WDR75: variants seen among roughly 807,000 people sequenced by gnomAD.
WDR75 encodes WD repeat domain 75.
WDR75 carries 52 observed loss-of-function variants against 106.1 expected under a neutral mutation model. The ratio of observed to expected loss-of-function variants is 0.49; its 90% confidence interval spans 0.39 to 0.62. WDR75 has a LOEUF of 0.62. WDR75 is among the 20% of genes least tolerant of loss of function. The pLI is 0.00. For missense variants in WDR75, 905 were observed against 970.3 expected (o/e 0.93, Z 0.89); for synonymous variants, 333 against 335.5 (o/e 0.99, Z 0.08).
chr2:189,469,317 G>T, intron 15 of WDR75, 27 bp from the exon 16 acceptor site: 1 of 1,562,146 alleles, frequency 6.4e-7, no homozygotes. Context: ...TTCCTTAGAA[G>T]TGAATCACCT....
At chr2:189,467,679 T>G (rs771705930) in intron 14 of WDR75, 31 bp downstream of exon 14, 94 of 1,524,502 alleles carry the variant, frequency 6.2e-5, no homozygotes, top group Non-Finnish European at 7.8e-5. Context: ...TATGTAGTAC[T>G]ATTTTTTAAC....
At chr2:189,456,335 A>C (rs1052985375) in intron 5 of WDR75, among the ~76,000 whole-genome samples, 2 of 152,164 alleles carry the variant, frequency 1.3e-5, no homozygotes, top group African/African-American at 4.8e-5. Flanking sequence ...TGATGTGTAC[A>C]AGAGTGATTA....
intron 1 of WDR75, among the ~76,000 whole-genome samples, chr2:189,441,987 G>A (rs996038360): frequency 6.6e-6 from 1 of 152,116 alleles, no homozygotes; most frequent in Non-Finnish European, 1.5e-5. Flanking sequence ...CACTCCTGAA[G>A]CATAGTGCAT....
intron 4 of WDR75, among the ~76,000 whole-genome samples, chr2:189,453,250 G>A (rs775762195): frequency 4.6e-5 from 7 of 152,270 alleles, no homozygotes; most frequent in Non-Finnish European, 1.0e-4. Flanking sequence ...ACATGTTTAC[G>A]AAAAATTCAG....
At chr2:189,445,378 G>T (rs1434838089) in intron 1 of WDR75, among the ~76,000 whole-genome samples, 1 of 152,180 alleles carries the variant, frequency 6.6e-6, no homozygotes, top group Non-Finnish European at 1.5e-5. Context: ...AATGCCTTGT[G>T]GTAAGTTCTG....
At chr2:189,456,868 A>G (rs1030495091) in intron 5 of WDR75, among the ~76,000 whole-genome samples, 2 of 152,176 alleles carry the variant, frequency 1.3e-5, no homozygotes, top group African/African-American at 4.8e-5. Context: ...TTCTATAGCC[A>G]AAGTGGAATA....
chr2:189,455,221 A>G, intron 4 of WDR75, 99 bp from the exon 5 acceptor site: 1 of 1,386,762 alleles, frequency 7.2e-7, no homozygotes, highest in Admixed American at 2.6e-5. Context: ...AGCCTGGGCG[A>G]CAGAGCAAGA....
intron 1 of WDR75, among the ~76,000 whole-genome samples, chr2:189,444,887 A>C (rs539625592): frequency 6.6e-6 from 1 of 152,142 alleles, no homozygotes; most frequent in South Asian, 2.1e-4. Context: ...GCTCTTGCTT[A>C]TGTTGCTATT....
At chr2:189,451,955 C>A in intron 4 of WDR75, 60 bp downstream of exon 4, 1 of 1,378,534 alleles carries the variant, frequency 7.3e-7, no homozygotes, top group Non-Finnish European at 1.0e-6. Flanking sequence ...TTTACAGTTC[C>A]TCAAAATTTA....
At chr2:189,458,673 G>T in intron 6 of WDR75, 80 bp from the exon 7 acceptor site, 1 of 1,254,114 alleles carries the variant, frequency 8.0e-7, no homozygotes, top group Non-Finnish European at 1.0e-6. Context: ...CTATTGCTGG[G>T]AACTCTCTTT....
chr2:189,456,702 A>G (rs7597614), intron 5 of WDR75, among the ~76,000 whole-genome samples: 9,857 of 152,202 alleles, frequency 0.065, 497 homozygotes, highest in African/African-American at 0.14. Flanking sequence ...CAGTGGTTAT[A>G]TAGATGTACA....
rs115932819 is a variant in WDR75 at position 189,458,813 on chromosome 2, A to G, written c.630A>G (p.Ala210=). 1.3e-5 allele frequency: 21 copies of G among 1,609,942 alleles called. No individual in the cohort carries two copies. Among genetic ancestry groups the G allele is most frequent in the East Asian group, 6.7e-5 (3 of 44,678 alleles). Residue 210 remains alanine (A), a synonymous_variant, in exon 7 of 21, where the codon GCA becomes GCG. Coordinates refer to ENST00000314761, the MANE Select transcript of WDR75 (RefSeq NM_032168.3). ...KHAKNNFTCV[A]CHPTEDCIAS... is the part of the protein sequence containing the mutation. ...CTAAAAACAATTTTACATGTGTAGCATGTCACCCAACGGAAGACTGCATCG... is the reference window on the plus strand; with the variant it reads ...CTAAAAACAATTTTACATGTGTAGCGTGTCACCCAACGGAAGACTGCATCG...
At position 189,463,686 on chromosome 2, in the gene WDR75, A is replaced by T; in HGVS notation, c.938-8A>T. The T allele has an allele frequency of 6.2e-7, 1 of 1,613,148 alleles. No homozygotes were observed. The highest frequency in any genetic ancestry group is 8.5e-7 in the Non-Finnish European group (1 of 1,179,520). ...GATATTTAAATACCTATTTTTTTCT[A>T]CCCACAGAGATAATAATTATTCACC... On this transcript the variant is annotated splice_polypyrimidine_tract_variant and splice_region_variant and intron_variant, in intron 9 of 20. Transcript: ENST00000314761.
intron 20 of WDR75, 40 bp from the exon 21 acceptor site, chr2:189,475,173 C>T: frequency 6.9e-7 from 1 of 1,452,334 alleles, no homozygotes; most frequent in Non-Finnish European, 9.4e-7. Context: ...TGTTTAGAAA[C>T]ATTTAATAGT....
chr2:189,471,296 G>C (rs1236968225), intron 18 of WDR75, among the ~76,000 whole-genome samples: 3 of 152,252 alleles, frequency 2.0e-5, no homozygotes, highest in Middle Eastern at 3.4e-3. Context: ...TATTGACGCT[G>C]AATTTTTAGC....
At position 189,474,280 on chromosome 2, in the gene WDR75, A is replaced by G. The variant is rs1191738790; in HGVS notation, c.2144A>G (p.Glu715Gly). 1 of 1,613,890 alleles carries G rather than the reference A, an allele frequency of 6.2e-7. No individual in the cohort carries two copies. The highest frequency in any genetic ancestry group is 1.7e-5 in the Admixed American group (1 of 60,006). ...GATGAAAAACTAAACGAAACTTTAGAGAATGAGCTGGTACAACTACCCTTA... is the reference window on the plus strand; with the variant it reads ...GATGAAAAACTAAACGAAACTTTAGGGAATGAGCTGGTACAACTACCCTTA... ...QQDEKLNETL[E>G]NELVQLPLTE... Residue 715 changes from glutamate to glycine, a missense_variant, in exon 19 of 21, where the codon GAG (glutamate) becomes GGG (glycine). By Grantham distance (98) the Glu-to-Gly change is moderately conservative. Coordinates refer to ENST00000314761, the MANE Select transcript of WDR75 (RefSeq NM_032168.3).
At chr2:189,451,162 A>T (rs1338682470) in intron 3 of WDR75, among the ~76,000 whole-genome samples, 194 bp downstream of exon 3, 6 of 152,230 alleles carry the variant, frequency 3.9e-5, no homozygotes, top group Non-Finnish European at 7.3e-5. Flanking sequence ...CTGGAAGAAG[A>T]TATTTACAAA....
At chr2:189,450,462 C>A in intron 2 of WDR75, 1 of 849,046 alleles carries the variant, frequency 1.2e-6, no homozygotes, top group Non-Finnish European at 1.4e-6. Context: ...TCCCAAGTAG[C>A]TAGGATTACA....
intron 6 of WDR75, 125 bp downstream of exon 6, chr2:189,457,506 G>A: frequency 1.6e-6 from 1 of 631,158 alleles, no homozygotes; most frequent in South Asian, 2.0e-5. Flanking sequence ...GTAAGACTGT[G>A]AAGTATGGAG....
Sources: gnomAD v4.1 joint callset for allele counts (sites outside exome capture counted in the v4.1 genomes callset) on GRCh38, gnomAD v4.1.1 for gene constraint, MANE v1.5 for transcripts, NCBI Gene and HGNC (gene_info 2026-07-23, HGNC 2026-07-21) for gene names.